TET3: variants seen among roughly 807,000 people sequenced by gnomAD.
TET3 encodes tet methylcytosine dioxygenase 3.
In TET3, 19 loss-of-function variants were observed where a neutral mutation model predicts 141.4. That is an observed-to-expected ratio of 0.13 (90% CI 0.09 to 0.20). The LOEUF (loss-of-function observed/expected upper bound fraction) is 0.20, where lower values mean the gene tolerates loss of function less well. Among genes scored for constraint, TET3 ranks in the 10% least tolerant of loss-of-function variants. The pLI is 1.00. For synonymous variants in TET3, 1,043 were observed against 980.9 expected, an observed-to-expected ratio of 1.06 and a Z score of -1.18; for missense variants, 1,874 against 2,356.9, an observed-to-expected ratio of 0.80 and a Z score of 4.24.
At chr2:74,071,920 C>T (rs1426283484) in intron 4 of TET3, among the ~76,000 whole-genome samples, 1 of 152,156 alleles carries the variant, frequency 6.6e-6, no homozygotes, top group African/African-American at 2.4e-5. Context: ...TGGTTGGTTC[C>T]TTTTTACAAA....
At chr2:74,133,082 T>C in the TET3 span, among the ~76,000 whole-genome samples, 1 of 149,776 alleles carries the variant, frequency 6.7e-6, no homozygotes, top group African/African-American at 2.4e-5. Context: ...ATTTTTTTTT[T>C]TTTTTTTTTT....
chr2:74,034,946 C>A (rs1054516931), intron 3 of TET3, among the ~76,000 whole-genome samples: 2 of 150,302 alleles, frequency 1.3e-5, no homozygotes, highest in African/African-American at 2.5e-5. Flanking sequence ...AATCCCAGCA[C>A]TTTAGGAGGC....
intron 8 of TET3, 71 bp downstream of exon 8, chr2:74,090,118 G>T: frequency 6.3e-7 from 1 of 1,581,900 alleles, no homozygotes. Context: ...TCCAGCGGGA[G>T]GTAGTACTGG....
At position 74,047,518 on chromosome 2, in the gene TET3, A is replaced by G. The variant is rs1687701103; in HGVS notation, c.1601A>G (p.His534Arg). 6.2e-7 allele frequency: 1 copy of G among 1,613,244 alleles called. No individual in the cohort carries two copies. Among genetic ancestry groups the G allele is most frequent in the Non-Finnish European group, 8.5e-7 (1 of 1,179,854 alleles). Residue 534 changes from histidine (H) to arginine (R), a missense_variant, in exon 4 of 12, where the codon CAC becomes CGC. Coordinates refer to ENST00000409262, the MANE Select transcript of TET3 (RefSeq NM_001287491.2). ...ACCGCCCTGCAGCAGCACCTCCACC[A>G]CAAGCGCAGCCTCTTCCTAGAACAG... is the stretch of plus-strand genomic sequence containing the variant. ...AQTALQQHLH[H>R]KRSLFLEQVH...
intron 3 of TET3, among the ~76,000 whole-genome samples, chr2:74,031,018 T>A (rs1163686835): frequency 1.3e-5 from 2 of 151,974 alleles, no homozygotes; most frequent in Non-Finnish European, 2.9e-5. Context: ...ATGCAGGCGC[T>A]GAGTTAAGTT....
At chr2:74,114,853 C>CAAAAAAAAAAAAAAAAAAAAAAAAAAA in the TET3 span, among the ~76,000 whole-genome samples, 3 of 43,880 alleles carry the variant, frequency 6.8e-5, no homozygotes, top group African/African-American at 3.4e-4. Flanking sequence ...GACTCTGTCT[C>CAAAAAAAAAAAAAAAAAAAAAAAAAAA]AAAAAAAAAA....
the TET3 span, among the ~76,000 whole-genome samples, chr2:74,125,247 G>A: frequency 6.6e-6 from 1 of 152,182 alleles, no homozygotes. Flanking sequence ...CTCCCAAAGT[G>A]CTGGGATTAC....
chr2:74,018,892 TC>T (rs1429315180), intron 3 of TET3, among the ~76,000 whole-genome samples: 2 of 152,318 alleles, frequency 1.3e-5, no homozygotes, highest in African/African-American at 4.8e-5. Context: ...CAATGAATCT[TC>T]CTATCCAGAG....
In TET3 at chr2:74,103,727, T is replaced by C. The variant is rs1328631807; in HGVS notation, c.*1551T>C. On this transcript the variant is annotated 3_prime_UTR_variant, in exon 12 of 12. Transcript: ENST00000409262. Reference sequence around the variant, plus strand: ...CTCATCATCACCAAGTCAAACTTTGTTGGAGTGTTGGTTTTTCTTGTGATA... The same window carrying C: ...CTCATCATCACCAAGTCAAACTTTGCTGGAGTGTTGGTTTTTCTTGTGATA... 1.3e-5 allele frequency: 2 copies of C among 153,492 alleles called. No homozygotes were observed. The highest frequency in any genetic ancestry group is 4.8e-5 in the African/African-American group (2 of 41,408). The allele number at this position is 153,492 out of a possible 1,614,324, so 9.5% of individuals were successfully genotyped here.
intron 3 of TET3, among the ~76,000 whole-genome samples, chr2:74,025,186 T>A (rs1405973512): frequency 7.3e-6 from 1 of 137,208 alleles, no homozygotes; most frequent in Non-Finnish European, 1.5e-5. Context: ...ATTGTGCTAC[T>A]GCACTCCAGC....
rs542146845 is a variant in TET3, at chr2:74,025,477, C to T, written c.361-20801C>T. Among the ~76,000 whole-genome samples the T allele has an allele frequency of 5.7e-4, 86 of 151,688 alleles. 3 individuals carry two copies. The South Asian group carries it at 0.017, about 31-fold the overall frequency. ...TAATTTTTTGTATTTTCAGTAGAGA[C>T]GGGGTTTCACCTTGTTAGCCAGGAT... On this transcript the variant is annotated intron_variant, in intron 3 of 11. Coordinates refer to ENST00000409262, the MANE Select transcript of TET3 (RefSeq NM_001287491.2).
the TET3 span, among the ~76,000 whole-genome samples, chr2:74,114,853 C>CAAAAAAAAGAAAAA: frequency 2.3e-5 from 1 of 43,882 alleles, no homozygotes; most frequent in Admixed American, 3.5e-4. Context: ...GACTCTGTCT[C>CAAAAAAAAGAAAAA]AAAAAAAAAA....
chr2:74,028,776 A>C (rs536932775), intron 3 of TET3, among the ~76,000 whole-genome samples: 10 of 152,370 alleles, frequency 6.6e-5, no homozygotes, highest in African/African-American at 2.4e-4. Flanking sequence ...TTTTGTAAAA[A>C]TAAGAATGAA....
At chr2:74,092,779 A>G (rs543908852) in intron 8 of TET3, 123 bp from the exon 9 acceptor site, 1 of 793,356 alleles carries the variant, frequency 1.3e-6, no homozygotes, top group East Asian at 2.7e-5. Flanking sequence ...GGCCAGAAAG[A>G]CACCTGATAA....
At chr2:74,000,787 T>C (rs777012970) in intron 2 of TET3, among the ~76,000 whole-genome samples, 2 of 152,186 alleles carry the variant, frequency 1.3e-5, no homozygotes, top group Non-Finnish European at 2.9e-5. Flanking sequence ...GCGAAGTCCT[T>C]CCGTTGCCCT....
chr2:74,119,635 T>G, the TET3 span, among the ~76,000 whole-genome samples: 1 of 152,204 alleles, frequency 6.6e-6, no homozygotes, highest in Non-Finnish European at 1.5e-5. Context: ...AATTAATAAG[T>G]AATCCAGGAG....
the TET3 span, chr2:74,122,223 A>G: frequency 6.6e-6 from 1 of 152,236 alleles, no homozygotes; most frequent in Non-Finnish European, 1.5e-5. Context: ...AGACAAAAAT[A>G]TAGAAAAACA....
chr2:74,092,813 C>T (rs1035964169), intron 8 of TET3, 89 bp from the exon 9 acceptor site: 15 of 1,165,354 alleles, frequency 1.3e-5, no homozygotes, highest in East Asian at 7.7e-5. Context: ...GCCTCCCCCA[C>T]GATGCTTCAG....
intron 3 of TET3, among the ~76,000 whole-genome samples, chr2:74,033,804 T>C (rs766555925): frequency 2.0e-5 from 3 of 152,218 alleles, no homozygotes; most frequent in Admixed American, 6.5e-5. Flanking sequence ...CAGTAAGATT[T>C]GCCCAATGTG....
Sources: gnomAD v4.1 joint callset for allele counts (sites outside exome capture counted in the v4.1 genomes callset) on GRCh38, gnomAD v4.1.1 for gene constraint, MANE v1.5 for transcripts, NCBI Gene and HGNC (gene_info 2026-07-23, HGNC 2026-07-21) for gene names.